RAPH1: variants seen among roughly 807,000 people sequenced by gnomAD.
RAPH1 encodes ras-associated and pleckstrin homology domains-containing protein 1.
RAPH1 carries 18 observed loss-of-function variants against 88.1 expected under a neutral mutation model. The ratio of observed to expected loss-of-function variants is 0.20; its 90% CI spans 0.14 to 0.30. RAPH1 has a LOEUF of 0.30. RAPH1 is among the 10% of genes least tolerant of loss of function. The pLI, the probability that RAPH1 is intolerant of heterozygous loss-of-function variation, is 1.00. For missense variants in RAPH1, 1,448 were observed against 1,543.2 expected (o/e 0.94, Z 1.03); for synonymous variants, 587 against 559.0 (o/e 1.05, Z -0.71).
Position 203,498,878 on chromosome 2 carries a change from C to T in RAPH1, c.1-3525G>A, listed in dbSNP as rs750868621. On this transcript the variant is annotated intron_variant, in intron 1 of 13. Coordinates refer to ENST00000319170, the MANE Select transcript of RAPH1 (RefSeq NM_213589.3). ...TCAGATCAATGACAGACTGCTTATA[C>T]GGTGGTCCCATAAGTATTTTTACTG... Among the ~76,000 whole-genome samples, 7 of 152,138 alleles carry T rather than the reference C, an allele frequency of 4.6e-5. No individual in the cohort carries two copies. In the South Asian group the frequency reaches 1.0e-3, roughly 22 times the overall value.
rs1368974096 is a variant in RAPH1 at position 203,433,803 on chromosome 2, A to AAAGT, written c.*5630_*5633dup. On this transcript the variant is annotated 3_prime_UTR_variant, in exon 14 of 14. Coordinates refer to ENST00000319170, the MANE Select transcript of RAPH1 (RefSeq NM_213589.3). ...TAATGGTGCCGATCCACAAACACTC[A>AAAGT]AAGTCCCCATGTTTAAATGAAATCT... The AAAGT allele has an allele frequency of 2.0e-5, 3 of 152,466 alleles. No individual in the cohort carries two copies. The highest frequency in any genetic ancestry group is 7.2e-5 in the African/African-American group (3 of 41,420). 9.4% of individuals were successfully genotyped at this position (152,466 alleles called of 1,614,324 possible). A position where few individuals can be genotyped will look rare whatever the true frequency, so the allele number is the denominator to read the frequency against.
intron 1 of RAPH1, among the ~76,000 whole-genome samples, chr2:203,505,360 C>CTTTTGCTT (rs1192086759): frequency 6.6e-6 from 1 of 152,102 alleles, no homozygotes; most frequent in East Asian, 1.9e-4. Flanking sequence ...GTGGAAACCC[C>CTTTTGCTT]TGATAAACCC....
chr2:203,506,173 C>T lies in RAPH1; in HGVS notation c.1-10820G>A, dbSNP rs562862027. Among the ~76,000 whole-genome samples the T allele has an allele frequency of 4.2e-3, 636 of 152,192 alleles. 3 individuals are homozygous for T. Among genetic ancestry groups the T allele is most frequent in the Non-Finnish European group, 6.8e-3 (462 of 67,992 alleles). ...GGTAACAAATAGACGTAGCCTATAG[C>T]TTGGAAGTCATTTGGATTAGGTATT... On this transcript the variant is annotated intron_variant, in intron 1 of 13. Transcript: ENST00000319170.
Position 203,495,244 on chromosome 2 carries a change from T to C in RAPH1, c.110A>G (p.Lys37Arg), listed in dbSNP as rs1688461008. Residue 37 changes from lysine (K) to arginine (R), a missense_variant, in exon 2 of 14, where the codon AAA (lysine) becomes AGA (arginine). Physicochemically the swap from Lys to Arg is conservative, Grantham distance 26. Coordinates refer to ENST00000319170, the MANE Select transcript of RAPH1 (RefSeq NM_213589.3). ...MFGAWLGELD[K>R]LTQSLDSDKP... Reference sequence around the variant, plus strand: ...TCAAGCACTACTCACCTGAGTGAGTTTGTCTAGTTCTCCAAGCCAGGCTCC... The same window carrying C: ...TCAAGCACTACTCACCTGAGTGAGTCTGTCTAGTTCTCCAAGCCAGGCTCC... 6.2e-7 allele frequency: 1 copy of C among 1,614,088 alleles called. No homozygotes were observed. Among genetic ancestry groups the C allele is most frequent in the Admixed American group, 1.7e-5 (1 of 60,030 alleles).
At chr2:203,508,186 C>G (rs1689174950) in intron 1 of RAPH1, among the ~76,000 whole-genome samples, 1 of 141,698 alleles carries the variant, frequency 7.1e-6, no homozygotes, top group South Asian at 2.2e-4. Context: ...AGCGCCACTG[C>G]ACTCCAGCCT....
rs76899339 is a variant in RAPH1, at chr2:203,434,031, C to A, written c.*5406G>T. ...ACATCCTCAGTAGTACTGAATATAT[C>A]TCTCTCATATATCTATCTATCTATC... On this transcript the variant is annotated 3_prime_UTR_variant, in exon 14 of 14. Coordinates refer to ENST00000319170, the MANE Select transcript of RAPH1 (RefSeq NM_213589.3). The A allele has an allele frequency of 7.2e-6, 1 of 138,208 alleles. No individual in the cohort carries two copies. The highest frequency in any genetic ancestry group is 2.2e-4 in the East Asian group (1 of 4,650). The allele number at this position is 138,208 out of a possible 1,614,324, so 8.6% of individuals were successfully genotyped here. A position where few individuals can be genotyped will look rare whatever the true frequency, so the allele number is the denominator to read the frequency against.
At chr2:203,495,152 T>C (rs1342356277) in intron 2 of RAPH1, 82 bp downstream of exon 2, 1 of 1,471,036 alleles carries the variant, frequency 6.8e-7, no homozygotes, top group African/African-American at 1.4e-5. Flanking sequence ...ATTTAACTTA[T>C]ATCCATATCC....
rs1171645770 is a variant in RAPH1, at chr2:203,506,879, T to G, written c.1-11526A>C. ...ATCTATATATATATATATATATATA[T>G]AGATATATATATATATATATTTTTT... On this transcript the variant is annotated intron_variant, in intron 1 of 13. Transcript: ENST00000319170. 1.2e-3 allele frequency among the ~76,000 whole-genome samples: 96 copies of G among 81,208 alleles called. 7 individuals carry two copies. Among genetic ancestry groups the G allele is most frequent in the African/African-American group, 1.5e-3 (29 of 18,904 alleles). The allele number at this position is 81,208 out of a possible 152,430, so 53.3% of individuals were successfully genotyped here. A position where few individuals can be genotyped will look rare whatever the true frequency, so the allele number is the denominator to read the frequency against.
intron 1 of RAPH1, among the ~76,000 whole-genome samples, chr2:203,511,255 A>C (rs1689329010): frequency 6.6e-6 from 1 of 151,790 alleles, no homozygotes; most frequent in Non-Finnish European, 1.5e-5. Context: ...CTCAAAGCTA[A>C]AGGTACATTT....
intron 1 of RAPH1, among the ~76,000 whole-genome samples, chr2:203,513,351 C>CTTTTTTTT (rs35194583): frequency 3.5e-5 from 3 of 86,920 alleles, no homozygotes; most frequent in African/African-American, 4.8e-5. Flanking sequence ...TTCTCTCAAT[C>CTTTTTTTT]TTTTTTTTTT....
chr2:203,460,767 C>T (rs1003278479), intron 6 of RAPH1, among the ~76,000 whole-genome samples: 2 of 151,754 alleles, frequency 1.3e-5, no homozygotes, highest in Non-Finnish European at 2.9e-5. Flanking sequence ...TAAAACACTT[C>T]AGAAAAAAAT....
intron 12 of RAPH1, 58 bp from the exon 13 acceptor site, chr2:203,445,068 C>G (rs2098508271): frequency 2.0e-6 from 3 of 1,482,536 alleles, no homozygotes; most frequent in African/African-American, 2.8e-5. Context: ...TGACAATATT[C>G]ATATGTATGT....
At chr2:203,518,518 C>T (rs1313111319) in intron 1 of RAPH1, among the ~76,000 whole-genome samples, 1 of 133,894 alleles carries the variant, frequency 7.5e-6, no homozygotes, top group Non-Finnish European at 1.6e-5. Context: ...ACACCATCTC[C>T]AAACAAAAAA....
intron 1 of RAPH1, among the ~76,000 whole-genome samples, chr2:203,531,838 TC>T (rs939421828): frequency 6.6e-6 from 1 of 152,166 alleles, no homozygotes; most frequent in Non-Finnish European, 1.5e-5. Context: ...TGGCAGTTCC[TC>T]AAAAATTAAA....
At chr2:203,444,066 AGGGAGGGAGGGAAGTGAG>A (rs2098506808) in intron 13 of RAPH1, 1 of 71,772 alleles carries the variant, frequency 1.4e-5, no homozygotes, top group African/African-American at 5.8e-5. Context: ...AAGGAAGGGG[AGGGAGGGAGGGAAGTGAG>A]GGGAGGGAGG....
At chr2:203,509,066 ATTTTTTTTTTTTTTTTTTTTTT>A (rs34628795) in intron 1 of RAPH1, among the ~76,000 whole-genome samples, 2 of 120,502 alleles carry the variant, frequency 1.7e-5, no homozygotes, top group East Asian at 2.3e-4. Context: ...TTAAAAAATA[ATTTTTTTTTTTTTTTTTTTTTT>A]TTAAGAGAGA....
At chr2:203,469,178 T>C (rs2098531054) in intron 4 of RAPH1, among the ~76,000 whole-genome samples, 2 of 152,044 alleles carry the variant, frequency 1.3e-5, no homozygotes, top group Non-Finnish European at 1.5e-5. Context: ...AAGATACAAG[T>C]GTGGACTCTA....
intron 3 of RAPH1, among the ~76,000 whole-genome samples, chr2:203,490,407 T>C (rs999842394): frequency 3.9e-5 from 6 of 152,200 alleles, no homozygotes; most frequent in Non-Finnish European, 8.8e-5. Context: ...ATATTGTTAA[T>C]ATGATCAATG....
At chr2:203,500,888 T>G (rs1315241794) in intron 1 of RAPH1, among the ~76,000 whole-genome samples, 1 of 152,224 alleles carries the variant, frequency 6.6e-6, no homozygotes, top group Non-Finnish European at 1.5e-5. Context: ...TCATGCTTCC[T>G]CTCACAGTTA....
Sources: allele counts gnomAD v4.1 joint callset (sites outside exome capture counted in the v4.1 genomes callset), GRCh38; gene constraint gnomAD v4.1.1; transcripts MANE v1.5; gene names NCBI Gene and HGNC (gene_info 2026-07-23, HGNC 2026-07-21).